Variants in SHROOM3 observed in about 807,000 individuals in gnomAD.
The protein encoded by SHROOM3 is protein Shroom3.
Under a neutral mutation model 138.6 loss-of-function variants are expected in SHROOM3, and 47 were observed. The observed-to-expected ratio is 0.34, with a 90% confidence interval of 0.27 to 0.43. The LOEUF is 0.43. Among genes scored for constraint, SHROOM3 ranks in the 20% least tolerant of loss-of-function variants. SHROOM3 has a pLI of 1.00. For missense variants in SHROOM3, 2,491 were observed against 2,596.5 expected (o/e 0.96, Z 0.88); for synonymous variants, 1,062 against 1,063.3 (o/e 1.00, Z 0.02).
intron 2 of SHROOM3, among the ~76,000 whole-genome samples, chr4:76,665,998 G>A (rs886866463): frequency 2.6e-5 from 4 of 152,154 alleles, no homozygotes; most frequent in Non-Finnish European, 5.9e-5. Context: ...GCATTAGGAC[G>A]TTCCAGCTGA....
At chr4:76,717,217 TTG>T (rs1231180649) in intron 3 of SHROOM3, among the ~76,000 whole-genome samples, 1 of 152,200 alleles carries the variant, frequency 6.6e-6, no homozygotes, top group Non-Finnish European at 1.5e-5. Context: ...ATTCTCATCT[TTG>T]CTCCCCTATA....
rs751596690 is a variant in SHROOM3, at chr4:76,436,057, T to A, written c.5T>A (p.Met2Lys). The change falls in exon 1 of 11, where the codon ATG becomes AAG. Residue 2 changes from methionine (M) to lysine (K), a missense_variant. Physicochemically the swap from Met to Lys is moderately conservative, Grantham distance 95. Around this residue, in one of 4 missense-constraint regions of SHROOM3, gnomAD observed 284 missense variants for 322.8 expected, o/e 0.88. Coordinates refer to ENST00000296043, the MANE Select transcript of SHROOM3 (RefSeq NM_020859.4). ...TTGAGGGATCATGTGTTTGGCATGA[T>A]GAGGACCACTGAAGACTTCCACAAG... The part of the protein sequence containing the change: M[M>K]RTTEDFHKPS... 6.2e-7 allele frequency: 1 copy of A among 1,613,834 alleles called. No homozygotes were observed. Among genetic ancestry groups the A allele is most frequent in the Non-Finnish European group, 8.5e-7 (1 of 1,179,906 alleles).
chr4:76,567,637 G>A (rs955422628), intron 2 of SHROOM3, among the ~76,000 whole-genome samples: 7 of 152,078 alleles, frequency 4.6e-5, no homozygotes, highest in Non-Finnish European at 1.0e-4. Context: ...GCAACAGAGC[G>A]AGACTCCATC....
chr4:76,489,899 A>G (rs1731814639), intron 1 of SHROOM3, among the ~76,000 whole-genome samples: 3 of 152,210 alleles, frequency 2.0e-5, no homozygotes, highest in Non-Finnish European at 4.4e-5. Flanking sequence ...CAAAGAAAGA[A>G]TGAGGCAACA....
At chr4:76,553,146 T>TTTTTG (rs1054856916) in intron 1 of SHROOM3, among the ~76,000 whole-genome samples, 16 of 151,524 alleles carry the variant, frequency 1.1e-4, no homozygotes, top group African/African-American at 2.0e-4. Flanking sequence ...GTGCAGGACA[T>TTTTTG]TTTTGTTTTG....
At chr4:76,648,671 A>G (rs926154033) in intron 2 of SHROOM3, among the ~76,000 whole-genome samples, 14 of 152,216 alleles carry the variant, frequency 9.2e-5, no homozygotes, top group Non-Finnish European at 1.5e-5. Context: ...TTGTATCACT[A>G]GAAAAAATGT....
intron 6 of SHROOM3, among the ~76,000 whole-genome samples, chr4:76,752,903 G>A (rs1034488576): frequency 2.6e-5 from 4 of 152,182 alleles, no homozygotes; most frequent in African/African-American, 7.2e-5. Context: ...TGAATTAGTC[G>A]TTAAAACATC....
rs184366547 is a variant in SHROOM3 at position 76,674,639 on chromosome 4, T to C, written c.324-35517T>C. Among the ~76,000 whole-genome samples, 3 of 138,968 alleles carry C rather than the reference T, an allele frequency of 2.2e-5. No individual in the cohort carries two copies. In the East Asian group the frequency reaches 7.5e-4, roughly 35 times the overall value. The allele number at this position is 138,968 out of a possible 152,430, so 91.2% of individuals were successfully genotyped here. A position where few individuals can be genotyped will look rare whatever the true frequency, so the allele number is the denominator to read the frequency against. On this transcript the variant is annotated intron_variant, in intron 2 of 10. Coordinates refer to ENST00000296043, the MANE Select transcript of SHROOM3 (RefSeq NM_020859.4). The stretch of plus-strand genomic sequence containing the variant: ...CACAATCTCAGCTCACTGCAAACGC[T>C]GCGTCCCCAGGCTCAAGTGATCCTC...
intron 2 of SHROOM3, among the ~76,000 whole-genome samples, chr4:76,585,021 A>G (rs1734124578): frequency 6.6e-6 from 1 of 152,222 alleles, no homozygotes; most frequent in South Asian, 2.1e-4. Flanking sequence ...TCTGGAATTC[A>G]AGTGGAACAT....
At chr4:76,556,121 T>C (rs1166990659) in intron 2 of SHROOM3, among the ~76,000 whole-genome samples, 1 of 152,052 alleles carries the variant, frequency 6.6e-6, no homozygotes, top group African/African-American at 2.4e-5. Flanking sequence ...GAGAAAGAAA[T>C]TGGCTTGGAG....
rs181550934 is a variant in SHROOM3 at position 76,481,786 on chromosome 4, C to T, written c.168+45566C>T. Among the ~76,000 whole-genome samples the T allele has an allele frequency of 4.2e-3, 646 of 152,278 alleles. 4 individuals carry two copies. The highest frequency in any genetic ancestry group is 7.2e-3 in the Non-Finnish European group (492 of 68,026). On this transcript the variant is annotated intron_variant, in intron 1 of 10. Transcript: ENST00000296043. ...CTGACAAACCCCAAATCCAGTGGCA[C>T]ATCAAAAAGCTTATCCACCACAATC...
rs529468839 is a variant in SHROOM3 at position 76,770,324 on chromosome 4, CAAAAAAAAAAA to C, written c.5350-285_5350-275del. ...GGGTGACAAGAGCCAAACTCTGTCT[CAAAAAAAAAAA>C]AAAAAAAAAAAAAAAACAGAAGACA... On this transcript the variant is annotated intron_variant, in intron 9 of 10. Transcript: ENST00000296043. Among the ~76,000 whole-genome samples the C allele has an allele frequency of 4.7e-4, 17 of 36,102 alleles. No individual in the cohort carries two copies. The South Asian group carries it at 6.7e-3, about 14-fold the overall frequency. 23.7% of individuals were successfully genotyped at this position (36,102 alleles called of 152,430 possible). A position where few individuals can be genotyped will look rare whatever the true frequency, so the allele number is the denominator to read the frequency against.
At chr4:76,750,818 A>AG (rs1309697009) in intron 6 of SHROOM3, among the ~76,000 whole-genome samples, 2 of 152,164 alleles carry the variant, frequency 1.3e-5, no homozygotes, top group East Asian at 1.9e-4. Context: ...GTTTAAAAAA[A>AG]AAAAAAAACT....
intron 2 of SHROOM3, among the ~76,000 whole-genome samples, chr4:76,706,533 G>A (rs1452546729): frequency 6.6e-6 from 1 of 152,194 alleles, no homozygotes; most frequent in Non-Finnish European, 1.5e-5. Context: ...TGACTAGGCT[G>A]AGGAGGAGTA....
At chr4:76,693,581 T>G (rs1382688702) in intron 2 of SHROOM3, among the ~76,000 whole-genome samples, 4 of 151,942 alleles carry the variant, frequency 2.6e-5, no homozygotes, top group African/African-American at 9.7e-5. Context: ...GAGACTGGGT[T>G]TCACCATGTT....
Position 76,754,725 on chromosome 4 carries a change from G to C in SHROOM3, c.4242G>C (p.Glu1414Asp), listed in dbSNP as rs781216446. 3 of 1,614,096 alleles carry C rather than the reference G, an allele frequency of 1.9e-6. No homozygotes were observed. In the African/African-American group the frequency reaches 4.0e-5, roughly 22 times the overall value. Reference protein sequence around the residue: ...EGDGPEHGVEEGTRKRVSLPQ... With the variant: ...EGDGPEHGVEDGTRKRVSLPQ... ...ATGGCCCAGAGCATGGGGTAGAAGA[G>C]GGAACGAGGAAGAGGGTCTCGCTGC... is the stretch of plus-strand genomic sequence containing the variant. Residue 1414 changes from glutamate to aspartate, a missense_variant, in exon 7 of 11, where the codon GAG (glutamate) becomes GAC (aspartate). Around this residue, in one of 4 missense-constraint regions of SHROOM3, gnomAD observed 1,733 missense variants for 1,661.6 expected, o/e 1.04. Coordinates refer to ENST00000296043, the MANE Select transcript of SHROOM3 (RefSeq NM_020859.4).
intron 1 of SHROOM3, among the ~76,000 whole-genome samples, chr4:76,503,167 C>CCACACACACACACACACACACACA (rs111393161): frequency 1.2e-4 from 18 of 145,934 alleles, no homozygotes; most frequent in African/African-American, 3.0e-4. Context: ...TTGTCAACTT[C>CCACACACACACACACACACACACA]CACACACACA....
In SHROOM3 at chr4:76,741,179, C is replaced by A. The variant is rs753667976; in HGVS notation, c.3006C>A (p.Ala1002=). 2.1e-5 allele frequency: 34 copies of A among 1,590,304 alleles called. No individual in the cohort carries two copies. The East Asian group carries it at 5.3e-4, about 25-fold the overall frequency. ...ACCTGGCCAGGCCCGTGCCCCCTGC[C>A]GCCCGGAGAGGTGCTCGCCGGCGCC... ...EGDLARPVPP[A]ARRGARRRLT... is the part of the protein sequence containing the mutation. Residue 1002 remains alanine, a synonymous_variant, in exon 5 of 11, where the codon GCC becomes GCA. Coordinates refer to ENST00000296043, the MANE Select transcript of SHROOM3 (RefSeq NM_020859.4). This position sits in a 1 kb window ranked among gnomAD's most constrained non-coding sequence, Gnocchi z 6.2.
chr4:76,636,817 A>G (rs1235798735), intron 2 of SHROOM3, among the ~76,000 whole-genome samples: 3 of 152,256 alleles, frequency 2.0e-5, no homozygotes, highest in Non-Finnish European at 2.9e-5. Context: ...TGAGCTGCTG[A>G]GACAGGCCAT....
Sources: allele counts gnomAD v4.1 joint callset (sites outside exome capture counted in the v4.1 genomes callset), GRCh38; gene constraint gnomAD v4.1.1; regional missense constraint gnomAD v4.1.1; non-coding constraint Gnocchi (gnomAD v3.1); transcripts MANE v1.5; gene names NCBI Gene and HGNC (gene_info 2026-07-23, HGNC 2026-07-21).